Variants in KDM5B observed in about 807,000 individuals in gnomAD.
KDM5B encodes the protein lysine demethylase 5B.
A neutral mutation model predicts 193.4 loss-of-function variants in KDM5B; 144 were observed. The ratio of observed to expected loss-of-function variants is 0.74; its 90% CI spans 0.65 to 0.86. KDM5B has a LOEUF of 0.86. Among genes scored for constraint, KDM5B ranks in the 40% least tolerant of loss-of-function variants. The pLI is 0.00. For synonymous variants in KDM5B, 668 were observed against 682.6 expected (o/e 0.98, Z 0.33); for missense variants, 1,833 against 1,886.9 (o/e 0.97, Z 0.53).
At chr1:202,752,440 T>C (rs1655825680) in intron 12 of KDM5B, among the ~76,000 whole-genome samples, 1 of 150,890 alleles carries the variant, frequency 6.6e-6, no homozygotes, top group African/African-American at 2.4e-5. Flanking sequence ...CATCTAGGTT[T>C]GTGTAAGTAC....
At position 202,756,390 on chromosome 1, in the gene KDM5B, C is replaced by G; in HGVS notation, c.1324G>C (p.Asp442His). The G allele has an allele frequency of 6.2e-7, 1 of 1,612,670 alleles. No homozygotes were observed. Among genetic ancestry groups the G allele is most frequent in the South Asian group, 1.1e-5 (1 of 90,850 alleles). The change falls in exon 10 of 27, where the codon GAT (aspartate) becomes CAT (histidine). Residue 442 changes from aspartate (D) to histidine (H), a missense_variant. Asp to His is a moderately conservative substitution (Grantham distance 81, BLOSUM62 -1). This residue lies in a region of KDM5B where 1,379 missense variants were observed against 1,349.6 expected (regional missense o/e 1.02). Coordinates refer to ENST00000367265, the MANE Select transcript of KDM5B (RefSeq NM_006618.5). ...TCAGGTGAGAGTTTGATTTTCCCATCTCGGACAGGAAAGCCACTGCCAAAT... is the reference window on the plus strand; with the variant it reads ...TCAGGTGAGAGTTTGATTTTCCCATGTCGGACAGGAAAGCCACTGCCAAAT... The part of the protein sequence containing the change: ...KEFGSGFPVR[D>H]GKIKLSPEEE...
At chr1:202,791,929 T>C (rs1011116223) in intron 1 of KDM5B, among the ~76,000 whole-genome samples, 1 of 152,026 alleles carries the variant, frequency 6.6e-6, no homozygotes, top group African/African-American at 2.4e-5. Flanking sequence ...ATATTGGCCA[T>C]GCTGGTCTTG....
chr1:202,742,265 T>G (rs1361882667), intron 18 of KDM5B, 126 bp downstream of exon 18: 1 of 658,282 alleles, frequency 1.5e-6, no homozygotes. Flanking sequence ...CAATAGGTTA[T>G]TAAAAGCATC....
intron 7 of KDM5B, among the ~76,000 whole-genome samples, chr1:202,762,071 A>G (rs1236818399): frequency 6.6e-6 from 1 of 152,228 alleles, no homozygotes; most frequent in Non-Finnish European, 1.5e-5. Flanking sequence ...GGGGCAGAGA[A>G]GAACCAGATC....
At chr1:202,795,504 T>G (rs937698615) in intron 1 of KDM5B, among the ~76,000 whole-genome samples, 1 of 151,776 alleles carries the variant, frequency 6.6e-6, no homozygotes, top group African/African-American at 2.4e-5. Context: ...ATACAAAAAT[T>G]AGTTGGGCGT....
At chr1:202,758,656 T>G in intron 8 of KDM5B, 146 bp from the exon 9 acceptor site, 1 of 514,672 alleles carries the variant, frequency 1.9e-6, no homozygotes, top group Non-Finnish European at 3.1e-6. Context: ...TAAACCTGCC[T>G]GAAAAATGTG....
At chr1:202,742,537 A>G in intron 17 of KDM5B, 32 bp from the exon 18 acceptor site, 1 of 1,605,376 alleles carries the variant, frequency 6.2e-7, no homozygotes, top group Non-Finnish European at 8.5e-7. Flanking sequence ...GAAGCCATAT[A>G]AGAATACATA....
rs1157567301 is a variant in KDM5B at position 202,808,116 on chromosome 1, C to T, written c.190G>A (p.Val64Met). Residue 64 changes from valine to methionine, a missense_variant, in exon 1 of 27, where the codon GTG becomes ATG. Coordinates refer to ENST00000367265, the MANE Select transcript of KDM5B (RefSeq NM_006618.5). ...PIAEQTGICK[V>M]RPPPDWQPPF... ...GCGTGACTCACCGGCGGCGGCCGCA[C>T]CTTACAGATGCCAGTCTGCTCGGCT... 3.1e-6 allele frequency: 5 copies of T among 1,611,338 alleles called. No individual in the cohort carries two copies. Among genetic ancestry groups the T allele is most frequent in the Non-Finnish European group, 4.2e-6 (5 of 1,179,108 alleles).
Position 202,729,118 on chromosome 1 carries a change from A to C in KDM5B, c.4553T>G (p.Val1518Gly). 1 of 1,614,140 alleles carries C rather than the reference A, an allele frequency of 6.2e-7. No individual in the cohort carries two copies. The highest frequency in any genetic ancestry group is 8.5e-7 in the Non-Finnish European group (1 of 1,179,988). ...CTCTGCCATCTCTGGGGAGACACCA[A>C]CACAGACCTGATGAAACCACTGATT... ...SCNQWFHQVC[V>G]GVSPEMAEKE... The change falls in exon 27 of 27, where the codon GTT becomes GGT. Residue 1518 changes from valine to glycine, a missense_variant. By Grantham distance (109) the Val-to-Gly change is moderately radical (BLOSUM62 -3). Coordinates refer to ENST00000367265, the MANE Select transcript of KDM5B (RefSeq NM_006618.5).
chr1:202,744,939 T>C (rs1472115798), intron 16 of KDM5B, among the ~76,000 whole-genome samples: 2 of 152,158 alleles, frequency 1.3e-5, no homozygotes, highest in Non-Finnish European at 2.9e-5. Flanking sequence ...AAAAATGTGG[T>C]ACATATACAC....
At chr1:202,801,146 T>C (rs933680784) in intron 1 of KDM5B, among the ~76,000 whole-genome samples, 1 of 152,244 alleles carries the variant, frequency 6.6e-6, no homozygotes, top group Non-Finnish European at 1.5e-5. Context: ...GTAACTATTC[T>C]TTACACTTTT....
chr1:202,733,439 A>G lies in KDM5B; in HGVS notation c.3871T>C (p.Trp1291Arg). ...GACACCTGTCCTGCTGAGGCTTGCC[A>G]TCTGCTATATAACAGTCCTGAGCCC... ...RVGSGLLYSR[W>R]QASAGQVSDT... The change falls in exon 23 of 27, where the codon TGG becomes CGG. Residue 1291 changes from tryptophan (W) to arginine (R), a missense_variant. Trp to Arg is a moderately radical substitution (Grantham distance 101). This residue lies in a region of KDM5B where 1,379 missense variants were observed against 1,349.6 expected (regional missense o/e 1.02). Transcript: ENST00000367265. The G allele has an allele frequency of 5.6e-6, 9 of 1,613,796 alleles. No individual in the cohort carries two copies. The highest frequency in any genetic ancestry group is 6.8e-6 in the Non-Finnish European group (8 of 1,179,670).
chr1:202,787,722 TA>T (rs572469409), intron 1 of KDM5B, among the ~76,000 whole-genome samples: 3,017 of 144,946 alleles, frequency 0.021, 66 homozygotes, highest in African/African-American at 0.058. Context: ...GTCTCTACTT[TA>T]AAAAAAAAAA....
At chr1:202,736,453 A>G (rs956310773) in intron 20 of KDM5B, 61 bp from the exon 21 acceptor site, 2 of 1,357,620 alleles carry the variant, frequency 1.5e-6, no homozygotes, top group East Asian at 5.1e-5. Flanking sequence ...GAAAAACAGG[A>G]AAAGCTTAAT....
chr1:202,790,355 T>A (rs936608855), intron 1 of KDM5B, among the ~76,000 whole-genome samples: 1 of 152,132 alleles, frequency 6.6e-6, no homozygotes, highest in East Asian at 1.9e-4. Context: ...ACCAAGTGGA[T>A]TGCTTGAGCC....
chr1:202,743,363 A>C (rs10920469), intron 16 of KDM5B, among the ~76,000 whole-genome samples: 7 of 126,498 alleles, frequency 5.5e-5, no homozygotes, highest in Non-Finnish European at 1.1e-4. Context: ...AAAAAAAAAA[A>C]ACACCTGGCA....
chr1:202,791,390 C>T (rs1176238090), intron 1 of KDM5B, among the ~76,000 whole-genome samples: 1 of 152,162 alleles, frequency 6.6e-6, no homozygotes, highest in Non-Finnish European at 1.5e-5. Context: ...ATTAAGCCAC[C>T]TAAGTCTGAA....
chr1:202,755,532 C>T (rs902335244), intron 10 of KDM5B, 80 bp from the exon 11 acceptor site: 3 of 1,100,396 alleles, frequency 2.7e-6, no homozygotes, highest in Non-Finnish European at 2.6e-6. Flanking sequence ...AAAATATTAT[C>T]CTTCAAAATA....
rs1464747770 is a variant in KDM5B at position 202,733,462 on chromosome 1, C to T, written c.3848G>A (p.Gly1283Asp). 2 of 1,613,986 alleles carry T rather than the reference C, an allele frequency of 1.2e-6. No individual in the cohort carries two copies. The highest frequency in any genetic ancestry group is 1.7e-6 in the Non-Finnish European group (2 of 1,179,980). ...CCATCTGCTATATAACAGTCCTGAG[C>T]CCACTCGATCTTGCACAAATTTAAG... The part of the protein sequence containing the change: ...GNLKFVQDRV[G>D]SGLLYSRWQA... Residue 1283 changes from glycine to aspartate, a missense_variant, in exon 23 of 27, where the codon GGC becomes GAC. Transcript: ENST00000367265.
Sources: allele counts gnomAD v4.1 joint callset (sites outside exome capture counted in the v4.1 genomes callset), GRCh38; gene constraint gnomAD v4.1.1; regional missense constraint gnomAD v4.1.1; transcripts MANE v1.5; gene names NCBI Gene and HGNC (gene_info 2026-07-23, HGNC 2026-07-21).